Variants in CTNNA2 observed in about 807,000 individuals in gnomAD.
CTNNA2 encodes the protein catenin alpha-2.
CTNNA2 carries 42 observed loss-of-function variants against 101.0 expected under a neutral mutation model. The observed-to-expected ratio is 0.42, with a 90% confidence interval of 0.32 to 0.54. The LOEUF is 0.54. Ranked by LOEUF, CTNNA2 falls within the 20% of genes least tolerant of loss-of-function variation. The probability of loss-of-function intolerance (pLI) is 0.14; values close to 1 mark genes in which losing one functional copy is unlikely to be tolerated. For missense variants in CTNNA2, 871 were observed against 1,223.1 expected, an observed-to-expected ratio of 0.71 and a Z score of 4.29; for synonymous variants, 450 against 456.4, an observed-to-expected ratio of 0.99 and a Z score of 0.18.
At chr2:79,828,750 T>C (rs938546309) in intron 3 of CTNNA2, among the ~76,000 whole-genome samples, 1 of 152,254 alleles carries the variant, frequency 6.6e-6, no homozygotes, top group African/African-American at 2.4e-5. Flanking sequence ...TGCATGCTTC[T>C]TCAACTAACA....
At chr2:79,371,784 C>T (rs1161358822) in intron 3 of CTNNA2, among the ~76,000 whole-genome samples, 1 of 152,032 alleles carries the variant, frequency 6.6e-6, no homozygotes, top group East Asian at 1.9e-4. Context: ...CTCTATGACA[C>T]CCTTAATGAT....
At chr2:79,423,505 C>G (rs183287644) in intron 4 of CTNNA2, among the ~76,000 whole-genome samples, 1 of 152,192 alleles carries the variant, frequency 6.6e-6, no homozygotes, top group East Asian at 1.9e-4. Context: ...ACAAAAAAAT[C>G]CTGTTATTGT....
rs561258462 is a variant in CTNNA2 at position 80,228,393 on chromosome 2, G to A, written c.1057-164818G>A. 8.5e-5 allele frequency among the ~76,000 whole-genome samples: 13 copies of A among 152,130 alleles called. 1 individual carries two copies. In the South Asian group the frequency reaches 2.1e-3, roughly 24 times the overall value. On this transcript the variant is annotated intron_variant, in intron 7 of 18. Coordinates refer to ENST00000402739, the MANE Select transcript of CTNNA2 (RefSeq NM_001282597.3). ...GCTCCCTCAGGCCTCTTTTACATGG[G>A]CACTAATACCATTCATGAGGTCTCT...
Position 80,165,239 on chromosome 2 carries a change from T to C in CTNNA2, c.1057-227972T>C, listed in dbSNP as rs2078521. 5.2e-3 allele frequency among the ~76,000 whole-genome samples: 785 copies of C among 152,032 alleles called. 9 individuals carry two copies. The highest frequency in any genetic ancestry group is 0.018 in the African/African-American group (728 of 41,538). On this transcript the variant is annotated intron_variant, in intron 7 of 18. Transcript: ENST00000402739. ...GCTTTGTTAATTAATTTATTTTTTT[T>C]TTCAATCTGGTTTCTCTCTGTTGTT...
chr2:79,782,388 C>T (rs1316793635), intron 3 of CTNNA2, among the ~76,000 whole-genome samples: 1 of 152,100 alleles, frequency 6.6e-6, no homozygotes, highest in Non-Finnish European at 1.5e-5. Context: ...AGGTGCGCGC[C>T]ACCATGCCCA....
intron 9 of CTNNA2, among the ~76,000 whole-genome samples, chr2:80,465,968 T>G (rs952351572): frequency 6.6e-6 from 1 of 152,196 alleles, no homozygotes; most frequent in Non-Finnish European, 1.5e-5. Context: ...TATTTAGTGC[T>G]GTGTTTTAAT....
At chr2:79,789,174 A>C (rs552561483) in intron 3 of CTNNA2, among the ~76,000 whole-genome samples, 1 of 152,306 alleles carries the variant, frequency 6.6e-6, no homozygotes, top group African/African-American at 2.4e-5. Context: ...CACGAGTCAA[A>C]CCTGTGTGAG....
Position 80,644,712 on chromosome 2 carries a change from T to G in CTNNA2, c.2575-2873T>G, listed in dbSNP as rs181981222. Among the ~76,000 whole-genome samples, 202 of 152,326 alleles carry G rather than the reference T, an allele frequency of 1.3e-3. 1 individual carries two copies. Among genetic ancestry groups the G allele is most frequent in the African/African-American group, 4.2e-3 (175 of 41,574 alleles). On this transcript the variant is annotated intron_variant, in intron 18 of 18. Transcript: ENST00000402739. Reference sequence around the variant, plus strand: ...ATTAACTTTAAATTGGGCTTATTGTTTGTGGAAATATTTGTTCCAGTTCAG... The same window carrying G: ...ATTAACTTTAAATTGGGCTTATTGTGTGTGGAAATATTTGTTCCAGTTCAG...
intron 4 of CTNNA2, among the ~76,000 whole-genome samples, chr2:79,416,271 T>C (rs867839732): frequency 2.1e-5 from 3 of 145,096 alleles, no homozygotes; most frequent in East Asian, 3.9e-4. Flanking sequence ...TTTTTTTTTT[T>C]TTTTTTTTTT....
intron 7 of CTNNA2, among the ~76,000 whole-genome samples, chr2:80,279,150 A>G (rs1674164655): frequency 6.6e-6 from 1 of 151,482 alleles, no homozygotes; most frequent in Non-Finnish European, 1.5e-5. Flanking sequence ...GGAAACTAGG[A>G]GGGACAGCCT....
At chr2:79,947,842 A>C (rs953280000) in intron 7 of CTNNA2, among the ~76,000 whole-genome samples, 8 of 152,172 alleles carry the variant, frequency 5.3e-5, no homozygotes, top group African/African-American at 1.9e-4. Context: ...GGTAAAGAGG[A>C]CTAAAAGAGT....
chr2:79,910,026 C>G (rs1261371464), intron 7 of CTNNA2, among the ~76,000 whole-genome samples: 1 of 152,120 alleles, frequency 6.6e-6, no homozygotes, highest in African/African-American at 2.4e-5. Flanking sequence ...AGAATAAGCT[C>G]TTTCACTTTT....
intron 4 of CTNNA2, among the ~76,000 whole-genome samples, chr2:79,439,261 C>T (rs985888695): frequency 3.3e-5 from 5 of 152,144 alleles, no homozygotes; most frequent in South Asian, 4.1e-4. Context: ...CACTGATACA[C>T]GTTGCAACAT....
At position 79,825,202 on chromosome 2, in the gene CTNNA2, T is replaced by C. The variant is rs141633598; in HGVS notation, c.299-32811T>C. Among the ~76,000 whole-genome samples the C allele has an allele frequency of 2.0e-3, 302 of 152,208 alleles. 1 individual carries two copies. The highest frequency in any genetic ancestry group is 7.1e-3 in the African/African-American group (293 of 41,514). On this transcript the variant is annotated intron_variant, in intron 3 of 18. Coordinates refer to ENST00000402739, the MANE Select transcript of CTNNA2 (RefSeq NM_001282597.3). ...AGATCCTGGCTCCATAGGATTGTTGTTGATGGCATAAGAGAGACAGAGAGA... is the reference window on the plus strand; with the variant it reads ...AGATCCTGGCTCCATAGGATTGTTGCTGATGGCATAAGAGAGACAGAGAGA...
At chr2:79,773,258 C>T (rs1049117211) in intron 3 of CTNNA2, among the ~76,000 whole-genome samples, 5 of 152,122 alleles carry the variant, frequency 3.3e-5, no homozygotes, top group African/African-American at 9.7e-5. Flanking sequence ...AGAAAAATGA[C>T]GAGGTAAGTC....
At chr2:80,146,935 T>TTTTTTTTA (rs1553458523) in intron 7 of CTNNA2, among the ~76,000 whole-genome samples, 63 of 131,502 alleles carry the variant, frequency 4.8e-4, no homozygotes, top group South Asian at 1.8e-3. Context: ...GTATTTTGTA[T>TTTTTTTTA]TTTATTTATT....
chr2:80,196,868 A>G (rs1706868047), intron 7 of CTNNA2, among the ~76,000 whole-genome samples: 3 of 152,170 alleles, frequency 2.0e-5, no homozygotes, highest in African/African-American at 7.2e-5. Flanking sequence ...CAGTGCATTA[A>G]ACAGTTCTTT....
intron 3 of CTNNA2, among the ~76,000 whole-genome samples, chr2:79,831,810 G>A (rs1223670645): frequency 1.3e-5 from 2 of 149,782 alleles, no homozygotes; most frequent in Non-Finnish European, 3.0e-5. Context: ...AAAAAAGTTT[G>A]AATTCCAATA....
intron 2 of CTNNA2, among the ~76,000 whole-genome samples, chr2:79,676,236 G>T (rs565814101): frequency 6.6e-6 from 1 of 152,184 alleles, no homozygotes; most frequent in African/African-American, 2.4e-5. Context: ...AACTTTTAGT[G>T]GATCAAGAAC....
Sources: gnomAD v4.1 joint callset for allele counts (sites outside exome capture counted in the v4.1 genomes callset) on GRCh38, gnomAD v4.1.1 for gene constraint, MANE v1.5 for transcripts, NCBI Gene and HGNC (gene_info 2026-07-23, HGNC 2026-07-21) for gene names.